Variants in CIC observed in about 807,000 individuals in gnomAD.
CIC encodes the protein capicua transcriptional repressor.
Under a neutral mutation model 115.7 loss-of-function variants are expected in CIC, and 18 were observed. The observed-to-expected ratio is 0.16, with a 90% CI of 0.11 to 0.23. The LOEUF is 0.23. Ranked by LOEUF, CIC falls within the 10% of genes least tolerant of loss-of-function variation. The pLI, the probability that CIC is intolerant of heterozygous loss-of-function variation, is 1.00. For missense variants in CIC, 2,000 were observed against 2,159.3 expected, an observed-to-expected ratio of 0.93 and a Z score of 1.46; for synonymous variants, 1,076 against 923.0, an observed-to-expected ratio of 1.17 and a Z score of -3.01.
chr19:42,270,228 C>T lies in CIC; in HGVS notation c.-11+847C>T, dbSNP rs1276162810. 1.3e-5 allele frequency among the ~76,000 whole-genome samples: 2 copies of T among 152,280 alleles called. No homozygotes were observed. Among genetic ancestry groups the T allele is most frequent in the South Asian group, 4.1e-4 (2 of 4,832 alleles). On this transcript the variant is annotated intron_variant, in intron 1 of 20. Transcript: ENST00000681038. The surrounding 1 kb of genome is among the most constrained non-coding windows in gnomAD (Gnocchi z 4.1). ...CAACTTCTGGGCATTTGGGTGCCAGCCCCGGGACGCCCTCCAGGCTCTGCC... is the reference window on the plus strand; with the variant it reads ...CAACTTCTGGGCATTTGGGTGCCAGTCCCGGGACGCCCTCCAGGCTCTGCC...
At chr19:42,283,164 G>A (rs1377162677) in intron 2 of CIC, among the ~76,000 whole-genome samples, 1 of 152,126 alleles carries the variant, frequency 6.6e-6, no homozygotes, top group Non-Finnish European at 1.5e-5. Flanking sequence ...GAGGCGCTTT[G>A]TGAGTGCTAG....
chr19:42,291,830 C>A, intron 12 of CIC, 85 bp downstream of exon 12: 1 of 1,520,940 alleles, frequency 6.6e-7, no homozygotes, highest in Non-Finnish European at 9.1e-7. Context: ...GTCTTTTCTC[C>A]TTCTCCATGT....
At chr19:42,276,670 G>T (rs1167229952) in intron 2 of CIC, among the ~76,000 whole-genome samples, 1 of 152,150 alleles carries the variant, frequency 6.6e-6, no homozygotes, top group Admixed American at 6.5e-5. Flanking sequence ...TGTTATAGGT[G>T]GTACAAGCAA....
Position 42,294,168 on chromosome 19 carries a change from G to T in CIC, c.6923-5G>T. The stretch of plus-strand genomic sequence containing the variant: ...CCTGCACTGAGTCTGCTTCTGTTTG[G>T]CCAGACCTGGATTCAGCACCCGAGG... On this transcript the variant is annotated splice_region_variant and splice_polypyrimidine_tract_variant and intron_variant, in intron 18 of 20. Transcript: ENST00000681038. 1 of 1,613,874 alleles carries T rather than the reference G, an allele frequency of 6.2e-7. No homozygotes were observed. The highest frequency in any genetic ancestry group is 8.5e-7 in the Non-Finnish European group (1 of 1,180,010).
intron 2 of CIC, among the ~76,000 whole-genome samples, chr19:42,285,672 C>T (rs913849046): frequency 2.0e-5 from 3 of 152,212 alleles, no homozygotes; most frequent in East Asian, 1.9e-4. Context: ...CGGTTCCCTC[C>T]TCCCTTCTTC....
At chr19:42,283,862 G>T (rs993203773) in intron 2 of CIC, among the ~76,000 whole-genome samples, 48 of 151,938 alleles carry the variant, frequency 3.2e-4, no homozygotes, top group Non-Finnish European at 5.4e-4. Flanking sequence ...AGCCCGCCCC[G>T]CCCTGCCCTT....
chr19:42,291,678 AG>A lies in CIC; in HGVS notation c.5547del (p.Gln1849HisfsTer6). 1.9e-6 allele frequency: 3 copies of A among 1,612,906 alleles called. No homozygotes were observed. Among genetic ancestry groups the A allele is most frequent in the Non-Finnish European group, 1.7e-6 (2 of 1,179,974 alleles). On this transcript the variant is annotated frameshift_variant, in exon 12 of 21. Coordinates refer to ENST00000681038, the MANE Select transcript of CIC (RefSeq NM_001386298.1). LOFTEE classifies it high-confidence loss of function. ...SMSVRGGGAG[Q>X]PLPLVSPPFS... ...TCAGTGCGGGGTGGAGGGGCCGGCC[AG>A]CCACTGCCACTGGTGAGCCCGCCCT...
rs777198351 is a variant in CIC, at chr19:42,291,469, G to A, written c.5425+3G>A. ...ACCCTCCGCCCCACCCCCCAAAGGT[G>A]AGACCTGGGCCGGGCAGCACTAGGG... On this transcript the variant is annotated splice_donor_region_variant and intron_variant, in intron 11 of 20. Transcript: ENST00000681038. 2 of 1,613,108 alleles carry A rather than the reference G, an allele frequency of 1.2e-6. No individual in the cohort carries two copies. The highest frequency in any genetic ancestry group is 1.7e-6 in the Non-Finnish European group (2 of 1,179,976).
At chr19:42,268,735 ACTGT>A (rs1801427345), upstream of CIC, 1 of 152,208 alleles carries the variant, frequency 6.6e-6, no homozygotes, top group Non-Finnish European at 1.5e-5. Context: ...TCTGCCTTGT[ACTGT>A]CGGCTATGGG....
intron 2 of CIC, among the ~76,000 whole-genome samples, chr19:42,275,726 C>T (rs577006662): frequency 2.0e-5 from 3 of 152,276 alleles, no homozygotes; most frequent in Non-Finnish European, 4.4e-5. Context: ...ATTGCCCAGG[C>T]TGGTCTCGAA....
intron 16 of CIC, 103 bp from the exon 17 acceptor site, chr19:42,293,489 C>A: frequency 1.9e-6 from 3 of 1,580,334 alleles, no homozygotes; most frequent in South Asian, 2.3e-5. Context: ...ACAGCCTTCT[C>A]AAGGGGTCTG....
Position 42,286,827 on chromosome 19 carries a change from C to T in CIC, c.2851C>T (p.Pro951Ser). ...TGTGTTCCCTTGGCACTCCTTAGTCCCCTTCCTGGCACCCAGCCAGCCTGA... is the reference window on the plus strand; with the variant it reads ...TGTGTTCCCTTGGCACTCCTTAGTCTCCTTCCTGGCACCCAGCCAGCCTGA... ...VAVFPWHSLVPFLAPSQPDPS... is the reference protein window; with the variant it reads ...VAVFPWHSLVSFLAPSQPDPS... Residue 951 changes from proline (P) to serine (S), a missense_variant, in exon 3 of 21, where the codon CCC (proline) becomes TCC (serine). This residue lies in a region of CIC where 222 missense variants were observed against 247.7 expected (regional missense o/e 0.90). Transcript: ENST00000681038. 1 of 1,613,964 alleles carries T rather than the reference C, an allele frequency of 6.2e-7. No homozygotes were observed. The highest frequency in any genetic ancestry group is 8.5e-7 in the Non-Finnish European group (1 of 1,179,982).
rs376118095 is a variant in CIC at position 42,292,362 on chromosome 19, G to A, written c.5798G>A (p.Ser1933Asn). The change falls in exon 14 of 21, where the codon AGC becomes AAC. Residue 1933 changes from serine (S) to asparagine (N), a missense_variant. Physicochemically the swap from Ser to Asn is conservative, Grantham distance 46. Coordinates refer to ENST00000681038, the MANE Select transcript of CIC (RefSeq NM_001386298.1). ...CCCCTGGGTACCAGCCCTGCGTCCA[G>A]CCAGGCTGGAACAGTCACCTCGTAC... Reference protein sequence around the residue: ...ALPLGTSPASSQAGTVTSYGP... With the variant: ...ALPLGTSPASNQAGTVTSYGP... The A allele has an allele frequency of 5.6e-6, 9 of 1,612,802 alleles. No individual in the cohort carries two copies. The African/African-American group carries it at 9.3e-5, about 17-fold the overall frequency.
Position 42,295,209 on chromosome 19 carries a change from G to A in CIC, c.*18G>A, listed in dbSNP as rs1327899749. ...GCAGGTGAGGGACCCCTGAGAAGAT[G>A]CCAGGACTTATAGTACCCCCTCAGG... is the stretch of plus-strand genomic sequence containing the variant. On this transcript the variant is annotated 3_prime_UTR_variant, in exon 21 of 21. Coordinates refer to ENST00000681038, the MANE Select transcript of CIC (RefSeq NM_001386298.1). 1 of 1,518,010 alleles carries A rather than the reference G, an allele frequency of 6.6e-7. No homozygotes were observed. The highest frequency in any genetic ancestry group is 1.4e-5 in the African/African-American group (1 of 71,830). 94.0% of individuals were successfully genotyped at this position (1,518,010 alleles called of 1,614,324 possible).
At chr19:42,290,074 T>A (rs954954115) in intron 10 of CIC, 123 bp downstream of exon 10, 36 of 1,374,486 alleles carry the variant, frequency 2.6e-5, no homozygotes, top group Non-Finnish European at 3.5e-5. Context: ...GCTTGCCCCG[T>A]GGGGAGTTGG....
At chr19:42,292,256 G>A (rs1332652383) in intron 13 of CIC, 44 bp from the exon 14 acceptor site, 8 of 1,613,638 alleles carry the variant, frequency 5.0e-6, no homozygotes, top group Non-Finnish European at 6.8e-6. Flanking sequence ...GGGTGGGGCG[G>A]GGCCGGCTTA....
Position 42,294,986 on chromosome 19 carries a change from C to T in CIC, c.7349C>T (p.Thr2450Ile), listed in dbSNP as rs780842294. The change falls in exon 21 of 21, where the codon ACT (threonine) becomes ATT (isoleucine). Residue 2450 changes from threonine (T) to isoleucine (I), a missense_variant. Physicochemically the swap from Thr to Ile is moderately conservative, Grantham distance 89. Transcript: ENST00000681038. ...AEAPLPVPPP[T>I]GTAAAPAPTP... ...GCTCCTCTCCCTGTACCGCCCCCCA[C>T]TGGCACCGCTGCTGCCCCTGCCCCC... 3.8e-6 allele frequency: 6 copies of T among 1,598,706 alleles called. No homozygotes were observed. In the Middle Eastern group the frequency reaches 6.6e-4, roughly 177 times the overall value.
In CIC at chr19:42,290,357, C is replaced by A. The variant is rs1221840528; in HGVS notation, c.4316C>A (p.Ser1439Tyr). 1 of 1,614,112 alleles carries A rather than the reference C, an allele frequency of 6.2e-7. No homozygotes were observed. The highest frequency in any genetic ancestry group is 1.1e-5 in the South Asian group (1 of 91,088). Residue 1439 changes from serine (S) to tyrosine (Y), a missense_variant, in exon 11 of 21, where the codon TCC becomes TAC. Coordinates refer to ENST00000681038, the MANE Select transcript of CIC (RefSeq NM_001386298.1). ...PPVAFGKGYG[S>Y]APSSSASSPA... The stretch of plus-strand genomic sequence containing the variant: ...GTAGCCTTTGGCAAAGGCTATGGTT[C>A]CGCCCCATCCTCCTCTGCGTCCTCG...
In CIC at chr19:42,287,829, A is replaced by G; in HGVS notation, c.3512A>G (p.Lys1171Arg). Reference sequence around the variant, plus strand: ...TGCCAGGTGAAGGAGGCCCACTTCAAGGCCCACCCAGATTGGAAGTGGTGC... The same window carrying G: ...TGCCAGGTGAAGGAGGCCCACTTCAGGGCCCACCCAGATTGGAAGTGGTGC... ...LAFQVKEAHF[K>R]AHPDWKWCNK... is the part of the protein sequence containing the mutation. The change falls in exon 7 of 21, where the codon AAG becomes AGG. Residue 1171 changes from lysine (K) to arginine (R), a missense_variant. Physicochemically the swap from Lys to Arg is conservative, Grantham distance 26. Around this residue, in one of 8 missense-constraint regions of CIC, gnomAD observed 22 missense variants for 93.8 expected, o/e 0.23. Transcript: ENST00000681038. The surrounding 1 kb of genome is among the most constrained non-coding windows in gnomAD (Gnocchi z 8.7). 6.2e-7 allele frequency: 1 copy of G among 1,613,866 alleles called. No homozygotes were observed. The highest frequency in any genetic ancestry group is 2.2e-5 in the East Asian group (1 of 44,882).
Sources: allele counts gnomAD v4.1 joint callset (sites outside exome capture counted in the v4.1 genomes callset), GRCh38; gene constraint gnomAD v4.1.1; regional missense constraint gnomAD v4.1.1; non-coding constraint Gnocchi (gnomAD v3.1); transcripts MANE v1.5; gene names NCBI Gene and HGNC (gene_info 2026-07-23, HGNC 2026-07-21).